CSMD1: variants seen among roughly 807,000 people sequenced by gnomAD.
CSMD1 encodes the protein CUB and sushi domain-containing protein 1.
CSMD1 carries 213 observed loss-of-function variants against 417.5 expected under a neutral mutation model. The observed-to-expected ratio is 0.51, with a 90% CI of 0.46 to 0.57. CSMD1 has a LOEUF of 0.57. Ranked by LOEUF, CSMD1 falls within the 20% of genes least tolerant of loss-of-function variation. The pLI is 0.00. For synonymous variants in CSMD1, 2,862 were observed against 1,736.8 expected (o/e 1.65, Z -16.11); for missense variants, 6,923 against 4,529.7 (o/e 1.53, Z -15.17).
chr8:4,167,085 T>A (rs1031429442), intron 3 of CSMD1, among the ~76,000 whole-genome samples: 1 of 152,136 alleles, frequency 6.6e-6, no homozygotes, highest in Non-Finnish European at 1.5e-5. Context: ...AGAATATCTG[T>A]AGATAAATGT....
chr8:3,528,670 T>C (rs1179928094), intron 10 of CSMD1, among the ~76,000 whole-genome samples: 1 of 152,210 alleles, frequency 6.6e-6, no homozygotes, highest in African/African-American at 2.4e-5. Context: ...TTCTGGGACA[T>C]GGTGGCTGCA....
At chr8:3,217,489 C>T (rs1191709336) in intron 29 of CSMD1, among the ~76,000 whole-genome samples, 1 of 152,084 alleles carries the variant, frequency 6.6e-6, no homozygotes, top group East Asian at 1.9e-4. Flanking sequence ...TACATTCTCA[C>T]AATTATATGA....
At chr8:4,357,271 C>T (rs1408434522) in intron 3 of CSMD1, among the ~76,000 whole-genome samples, 1 of 152,148 alleles carries the variant, frequency 6.6e-6, no homozygotes, top group African/African-American at 2.4e-5. Context: ...AAAAAGTAAC[C>T]TTATAGATCT....
chr8:4,362,355 T>C (rs756015216), intron 3 of CSMD1, among the ~76,000 whole-genome samples: 9 of 152,098 alleles, frequency 5.9e-5, no homozygotes, highest in Non-Finnish European at 1.0e-4. Flanking sequence ...CTCATCTGTC[T>C]GCCCCCTGCA....
intron 37 of CSMD1, among the ~76,000 whole-genome samples, chr8:3,163,022 A>G (rs1222084957): frequency 6.6e-6 from 1 of 152,214 alleles, no homozygotes; most frequent in African/African-American, 2.4e-5. Flanking sequence ...TGCAGCTACC[A>G]TATTTTGTAG....
chr8:4,712,117 G>T (rs1019885852), intron 1 of CSMD1, among the ~76,000 whole-genome samples: 2 of 152,118 alleles, frequency 1.3e-5, no homozygotes, highest in Admixed American at 6.5e-5. Context: ...TCAATCAATG[G>T]GACTGACCGT....
intron 7 of CSMD1, among the ~76,000 whole-genome samples, chr8:3,660,262 T>C (rs1798344403): frequency 1.3e-5 from 2 of 152,164 alleles, no homozygotes; most frequent in African/African-American, 4.8e-5. Context: ...TTGTATACAT[T>C]CTTTGCCTAT....
At chr8:3,500,791 T>C (rs944482289) in intron 10 of CSMD1, among the ~76,000 whole-genome samples, 16 of 152,118 alleles carry the variant, frequency 1.1e-4, no homozygotes, top group African/African-American at 2.9e-4. Flanking sequence ...GTTGTAGGCA[T>C]GGAAGAAGCG....
chr8:3,698,537 T>C (rs985967497), intron 7 of CSMD1, among the ~76,000 whole-genome samples: 7 of 152,246 alleles, frequency 4.6e-5, no homozygotes, highest in African/African-American at 1.7e-4. Flanking sequence ...TTAGCAGGCA[T>C]GCCTGCTTCT....
At chr8:3,465,254 C>T (rs1260229592) in intron 12 of CSMD1, among the ~76,000 whole-genome samples, 3 of 152,112 alleles carry the variant, frequency 2.0e-5, no homozygotes, top group African/African-American at 7.2e-5. Context: ...ATTTCTCCAC[C>T]CTACTTGCTT....
chr8:3,827,156 A>G (rs1198521277), intron 5 of CSMD1, among the ~76,000 whole-genome samples: 1 of 152,170 alleles, frequency 6.6e-6, no homozygotes, highest in Non-Finnish European at 1.5e-5. Context: ...ACAGTTTAGA[A>G]CCTTAATGTA....
chr8:4,447,991 T>C lies in CSMD1; in HGVS notation c.303-27926A>G, dbSNP rs192059756. On this transcript the variant is annotated intron_variant, in intron 2 of 69. Transcript: ENST00000635120. ...GTACCAAAAAGCCTCTTGGAAATTTTTGCCAGGGGCAGGTGGTAAAACTAA... is the reference window on the plus strand; with the variant it reads ...GTACCAAAAAGCCTCTTGGAAATTTCTGCCAGGGGCAGGTGGTAAAACTAA... 3.5e-3 allele frequency among the ~76,000 whole-genome samples: 538 copies of C among 152,344 alleles called. 11 individuals are homozygous for C. Among genetic ancestry groups the C allele is most frequent in the Admixed American group, 0.024 (367 of 15,308 alleles).
At chr8:3,738,504 G>A (rs888034334) in intron 6 of CSMD1, among the ~76,000 whole-genome samples, 13 of 152,150 alleles carry the variant, frequency 8.5e-5, no homozygotes, top group African/African-American at 2.9e-4. Context: ...TTTTGATCCT[G>A]GTGATCAGAA....
intron 2 of CSMD1, among the ~76,000 whole-genome samples, chr8:4,430,332 G>A (rs1268247438): frequency 1.3e-5 from 2 of 152,086 alleles, no homozygotes; most frequent in African/African-American, 4.8e-5. Context: ...TTAACTGATA[G>A]TTTTCCTTCC....
intron 5 of CSMD1, among the ~76,000 whole-genome samples, chr8:3,865,377 C>G (rs1050504923): frequency 1.3e-5 from 2 of 152,146 alleles, no homozygotes; most frequent in African/African-American, 4.8e-5. Flanking sequence ...TGCAACTGAA[C>G]ACATTCCCTC....
intron 5 of CSMD1, among the ~76,000 whole-genome samples, chr8:3,854,764 G>C (rs372021919): frequency 2.0e-5 from 3 of 147,002 alleles, no homozygotes; most frequent in African/African-American, 7.7e-5. Context: ...AAAAAAAAAA[G>C]ATCGATTAAG....
intron 52 of CSMD1, among the ~76,000 whole-genome samples, chr8:3,012,873 G>A (rs1563236465): frequency 6.6e-6 from 1 of 152,160 alleles, no homozygotes; most frequent in East Asian, 1.9e-4. Context: ...GTCAAGGATG[G>A]AGACAGGAAG....
chr8:4,723,105 T>A (rs1809172291), intron 1 of CSMD1, among the ~76,000 whole-genome samples: 1 of 152,168 alleles, frequency 6.6e-6, no homozygotes, highest in Non-Finnish European at 1.5e-5. Context: ...TACTTATATA[T>A]CTGACTTGTA....
intron 26 of CSMD1, among the ~76,000 whole-genome samples, chr8:3,232,601 T>A (rs1798906170): frequency 1.3e-5 from 2 of 152,190 alleles, no homozygotes; most frequent in Non-Finnish European, 2.9e-5. Context: ...TGGGCTGCTA[T>A]GTTTTGGATT....
Sources: allele counts gnomAD v4.1 joint callset (sites outside exome capture counted in the v4.1 genomes callset), GRCh38; gene constraint gnomAD v4.1.1; transcripts MANE v1.5; gene names NCBI Gene and HGNC (gene_info 2026-07-23, HGNC 2026-07-21).